Variants in KLHL28 observed in about 807,000 individuals in gnomAD.
KLHL28 encodes kelch like family member 28.
A neutral mutation model predicts 48.3 loss-of-function variants in KLHL28; 22 were observed. The ratio of observed to expected loss-of-function variants is 0.46; its 90% CI spans 0.33 to 0.65. The LOEUF (loss-of-function observed/expected upper bound fraction) is 0.65, where lower values mean the gene tolerates loss of function less well. Among genes scored for constraint, KLHL28 ranks in the 30% least tolerant of loss-of-function variants. The probability of loss-of-function intolerance (pLI) is 0.03; values close to 1 mark genes in which losing one functional copy is unlikely to be tolerated. For missense variants in KLHL28, 527 were observed against 704.3 expected (o/e 0.75, Z 2.85); for synonymous variants, 243 against 242.4 (o/e 1.00, Z -0.02).
intron 1 of KLHL28, among the ~76,000 whole-genome samples, chr14:44,948,963 G>C (rs1187842740): frequency 6.6e-6 from 1 of 152,084 alleles, no homozygotes; most frequent in African/African-American, 2.4e-5. Flanking sequence ...TTAACAAGGA[G>C]AATGGTAGAC....
At chr14:44,948,816 T>A (rs1884454439) in intron 1 of KLHL28, among the ~76,000 whole-genome samples, 1 of 152,052 alleles carries the variant, frequency 6.6e-6, no homozygotes, top group South Asian at 2.1e-4. Context: ...CAATTCAAAT[T>A]CTCAAAACTC....
In KLHL28 at chr14:44,929,009, T is replaced by C. The variant is rs149139757; in HGVS notation, c.*19A>G. The C allele has an allele frequency of 6.8e-4, 1,090 of 1,612,632 alleles. 8 individuals are homozygous for C. In the African/African-American group the frequency reaches 0.012, roughly 18 times the overall value. On this transcript the variant is annotated 3_prime_UTR_variant, in exon 5 of 5. Coordinates refer to ENST00000396128, the MANE Select transcript of KLHL28 (RefSeq NM_017658.5). ...AGTACAAGTTTCACCACCATACTATTTCCGAGAGTTCACATTTGTCAAAGT... is the reference window on the plus strand; with the variant it reads ...AGTACAAGTTTCACCACCATACTATCTCCGAGAGTTCACATTTGTCAAAGT...
chr14:44,960,952 C>G, intron 1 of KLHL28: 2 of 1,480,078 alleles, frequency 1.4e-6, no homozygotes, highest in Non-Finnish European at 1.8e-6. Context: ...CAAATGATAA[C>G]TTAGACTTTT....
At chr14:44,959,615 T>C (rs1270146709) in intron 1 of KLHL28, 4 of 152,126 alleles carry the variant, frequency 2.6e-5, no homozygotes, top group Admixed American at 6.5e-5. Context: ...TTTAGGGCAA[T>C]TGTGTTTACC....
At chr14:44,936,027 AG>A (rs1406522494) in intron 2 of KLHL28, among the ~76,000 whole-genome samples, 1 of 151,296 alleles carries the variant, frequency 6.6e-6, no homozygotes, top group Non-Finnish European at 1.5e-5. Context: ...CAATAGTTAC[AG>A]AATTCCTATT....
chr14:44,939,367 A>T (rs549017814), intron 2 of KLHL28, among the ~76,000 whole-genome samples: 1 of 152,216 alleles, frequency 6.6e-6, no homozygotes, highest in African/African-American at 2.4e-5. Flanking sequence ...AACCACACTC[A>T]TCTCTTTAGC....
At chr14:44,949,681 A>G (rs1594581265) in intron 1 of KLHL28, among the ~76,000 whole-genome samples, 1 of 152,170 alleles carries the variant, frequency 6.6e-6, no homozygotes, top group East Asian at 1.9e-4. Flanking sequence ...AAAGACTTAT[A>G]TCTAACAAGA....
chr14:44,956,567 GCAAT>G (rs1884801768), intron 1 of KLHL28, among the ~76,000 whole-genome samples: 1 of 152,074 alleles, frequency 6.6e-6, no homozygotes, highest in African/African-American at 2.4e-5. Context: ...CCAGAAAGAT[GCAAT>G]TAGCAAAAAC....
chr14:44,940,791 CATCT>C (rs1275303342), intron 2 of KLHL28, among the ~76,000 whole-genome samples: 1 of 152,172 alleles, frequency 6.6e-6, no homozygotes, highest in Non-Finnish European at 1.5e-5. Flanking sequence ...AATAAGCATT[CATCT>C]ATCTTATATC....
intron 1 of KLHL28, among the ~76,000 whole-genome samples, chr14:44,959,032 G>C (rs1378743312): frequency 6.6e-6 from 1 of 150,850 alleles, no homozygotes; most frequent in Admixed American, 6.6e-5. Flanking sequence ...AATCCAAAAA[G>C]GATAGATTAA....
intron 3 of KLHL28, 118 bp from the exon 4 acceptor site, chr14:44,931,659 G>T: frequency 1.4e-6 from 1 of 710,234 alleles, no homozygotes; most frequent in Non-Finnish European, 2.3e-6. Context: ...TATTAAACAA[G>T]AGTAGTCTGC....
chr14:44,937,148 CTT>C (rs1157419168), intron 2 of KLHL28, among the ~76,000 whole-genome samples: 5 of 139,670 alleles, frequency 3.6e-5, no homozygotes, highest in Non-Finnish European at 3.1e-5. Context: ...TTGTTTTTTT[CTT>C]TTTTTTTTTT....
intron 1 of KLHL28, among the ~76,000 whole-genome samples, chr14:44,947,097 C>T (rs1884370472): frequency 6.6e-6 from 1 of 152,162 alleles, no homozygotes; most frequent in Non-Finnish European, 1.5e-5. Context: ...AAAGGATTAA[C>T]AATTTTGAGA....
At chr14:44,941,054 G>C (rs73334154) in intron 2 of KLHL28, among the ~76,000 whole-genome samples, 23,381 of 151,974 alleles carry the variant, frequency 0.15, 3,306 homozygotes, top group African/African-American at 0.38. Flanking sequence ...GAGTTGAGAT[G>C]ATGCCAATAC....
rs146329724 is a variant in KLHL28, at chr14:44,947,736, C to T, written c.1-1808G>A. On this transcript the variant is annotated intron_variant, in intron 1 of 4. Transcript: ENST00000396128. The stretch of plus-strand genomic sequence containing the variant: ...TTGAAATTTTTATCTTTGTCAAGTA[C>T]GTAATTGTTTCATACTTATTTCACA... Among the ~76,000 whole-genome samples the T allele has an allele frequency of 1.1e-3, 168 of 152,206 alleles. 1 individual carries two copies. Among genetic ancestry groups the T allele is most frequent in the African/African-American group, 3.9e-3 (161 of 41,540 alleles).
chr14:44,935,882 ATATGTGTG>A (rs1210092328), intron 2 of KLHL28, among the ~76,000 whole-genome samples: 36 of 87,112 alleles, frequency 4.1e-4, no homozygotes, highest in African/African-American at 2.1e-3. Flanking sequence ...ATGTATATAT[ATATGTGTG>A]TATATATATA....
Position 44,934,413 on chromosome 14 carries a change from T to G in KLHL28, c.1045A>C (p.Ile349Leu). 2 of 1,614,146 alleles carry G rather than the reference T, an allele frequency of 1.2e-6. No homozygotes were observed. Among genetic ancestry groups the G allele is most frequent in the Admixed American group, 1.7e-5 (1 of 60,024 alleles). The change falls in exon 3 of 5, where the codon ATC becomes CTC. Residue 349 changes from isoleucine to leucine, a missense_variant. By Grantham distance (5) the Ile-to-Leu change is conservative. Coordinates refer to ENST00000396128, the MANE Select transcript of KLHL28 (RefSeq NM_017658.5). ...IATNVRPGVT[I>L]RKHENSVECW... ...TCCACTGAATTTTCATGTTTTCTGA[T>G]AGTGACGCCAGGACGCACATTAGTT... is the stretch of plus-strand genomic sequence containing the variant.
chr14:44,944,291 T>C (rs1276215223), intron 2 of KLHL28, among the ~76,000 whole-genome samples: 1 of 152,248 alleles, frequency 6.6e-6, no homozygotes. Context: ...GCTATTTTTA[T>C]AAATAAAGTT....
Position 44,931,935 on chromosome 14 carries a change from G to A in KLHL28, c.1344-394C>T, listed in dbSNP as rs113962308. On this transcript the variant is annotated intron_variant, in intron 3 of 4. Transcript: ENST00000396128. ...AAAAATGAGGATAGTGCAACCTGAAGGGATTCATATAAGAATAAAGTCAAA... is the reference window on the plus strand; with the variant it reads ...AAAAATGAGGATAGTGCAACCTGAAAGGATTCATATAAGAATAAAGTCAAA... Among the ~76,000 whole-genome samples the A allele has an allele frequency of 3.2e-3, 494 of 152,040 alleles. 5 individuals are homozygous for A. Among genetic ancestry groups the A allele is most frequent in the African/African-American group, 0.011 (469 of 41,442 alleles).
Sources: gnomAD v4.1 joint callset for allele counts (sites outside exome capture counted in the v4.1 genomes callset) on GRCh38, gnomAD v4.1.1 for gene constraint, MANE v1.5 for transcripts, NCBI Gene and HGNC (gene_info 2026-07-23, HGNC 2026-07-21) for gene names.